DNAH8: variants seen among roughly 807,000 people sequenced by gnomAD.
DNAH8 encodes the protein dynein axonemal heavy chain 8, also known as axonemal beta dynein heavy chain 8.
DNAH8 carries 382 observed loss-of-function variants against 562.1 expected under a neutral mutation model. The observed-to-expected ratio is 0.68, with a 90% CI of 0.63 to 0.74. The LOEUF is 0.74. Ranked by LOEUF, DNAH8 falls within the 30% of genes least tolerant of loss-of-function variation. The pLI, the probability that DNAH8 is intolerant of heterozygous loss-of-function variation, is 0.00. For synonymous variants in DNAH8, 1,881 were observed against 1,919.4 expected (o/e 0.98, Z 0.52); for missense variants, 5,203 against 5,620.4 (o/e 0.93, Z 2.37).
In DNAH8 at chr6:38,935,749, A is replaced by T. The variant is rs1308469093; in HGVS notation, c.11563+52A>T. The T allele has an allele frequency of 2.3e-6, 3 of 1,330,872 alleles. No individual in the cohort carries two copies. The African/African-American group carries it at 4.4e-5, about 19-fold the overall frequency. The allele number at this position is 1,330,872 out of a possible 1,614,324, so 82.4% of individuals were successfully genotyped here. ...ATAACGGATTCTGAATAAGGATTTC[A>T]TTTACACTCTTTTCAATGCCCTCAT... is the stretch of plus-strand genomic sequence containing the variant. On this transcript the variant is annotated intron_variant, in intron 77 of 92. Coordinates refer to ENST00000327475, the MANE Select transcript of DNAH8 (RefSeq NM_001206927.2).
At chr6:38,976,033 G>T (rs1763649022) in intron 85 of DNAH8, among the ~76,000 whole-genome samples, 2 of 152,222 alleles carry the variant, frequency 1.3e-5, no homozygotes, top group African/African-American at 4.8e-5. Context: ...CATGTGTTTG[G>T]GTTAAAACGG....
chr6:39,008,628 G>A (rs112065919), intron 88 of DNAH8, among the ~76,000 whole-genome samples, 186 bp from the exon 89 acceptor site: 9 of 83,052 alleles, frequency 1.1e-4, no homozygotes, highest in South Asian at 9.4e-4. Flanking sequence ...TGTCCTATTA[G>A]GAGGCAGTAG....
At chr6:39,019,232 C>T (rs949965461) in intron 91 of DNAH8, among the ~76,000 whole-genome samples, 1 of 151,998 alleles carries the variant, frequency 6.6e-6, no homozygotes, top group Non-Finnish European at 1.5e-5. Flanking sequence ...GAGAAATGTG[C>T]TCCAGGCAGG....
At position 38,887,022 on chromosome 6, in the gene DNAH8, G is replaced by A. The variant is rs115168718; in HGVS notation, c.8473+18G>A. The A allele has an allele frequency of 4.4e-4, 676 of 1,535,086 alleles. No homozygotes were observed. In the African/African-American group the frequency reaches 8.2e-3, roughly 19 times the overall value. Reference sequence around the variant, plus strand: ...AATTTTTGGTATGAATATTCTTAGCGTTTATTTTATTGCATTACATAATGG... The same window carrying A: ...AATTTTTGGTATGAATATTCTTAGCATTTATTTTATTGCATTACATAATGG... On this transcript the variant is annotated intron_variant, in intron 57 of 92. Coordinates refer to ENST00000327475, the MANE Select transcript of DNAH8 (RefSeq NM_001206927.2).
Position 38,741,671 on chromosome 6 carries a change from ATG to A in DNAH8, c.1117-38_1117-37del, listed in dbSNP as rs774020549. ...TGCAATCAGATTTTAACAAAGAAGA[ATG>A]TAACATTTCTATATTTTATAAATTT... On this transcript the variant is annotated intron_variant, in intron 7 of 92. Coordinates refer to ENST00000327475, the MANE Select transcript of DNAH8 (RefSeq NM_001206927.2). 6 of 1,505,466 alleles carry A rather than the reference ATG, an allele frequency of 4.0e-6. No individual in the cohort carries two copies. The African/African-American group carries it at 8.6e-5, about 21-fold the overall frequency. The allele number at this position is 1,505,466 out of a possible 1,614,324, so 93.3% of individuals were successfully genotyped here.
At chr6:38,995,102 G>A (rs778448893) in intron 88 of DNAH8, among the ~76,000 whole-genome samples, 1 of 142,230 alleles carries the variant, frequency 7.0e-6, no homozygotes, top group Non-Finnish European at 1.5e-5. Context: ...TGTTGCATGT[G>A]TGTTTCTCTA....
intron 26 of DNAH8, 115 bp from the exon 27 acceptor site, chr6:38,822,723 T>G (rs1342443011): frequency 2.5e-6 from 2 of 797,132 alleles, no homozygotes; most frequent in Non-Finnish European, 3.7e-6. Flanking sequence ...CTTAGTTTCT[T>G]GGAGGGAGAA....
chr6:38,869,668 C>T lies in DNAH8; in HGVS notation c.6829-733C>T, dbSNP rs942310270. Among the ~76,000 whole-genome samples, 4 of 152,252 alleles carry T rather than the reference C, an allele frequency of 2.6e-5. No homozygotes were observed. In the East Asian group the frequency reaches 7.7e-4, roughly 29 times the overall value. On this transcript the variant is annotated intron_variant, in intron 48 of 92. Transcript: ENST00000327475. ...GCAGCCATTGTTGGATGAAGTCATG[C>T]AGGGTTATGGCTATTTCCCCAATTT...
At chr6:38,958,825 G>A (rs1244781545) in intron 82 of DNAH8, among the ~76,000 whole-genome samples, 7 of 151,904 alleles carry the variant, frequency 4.6e-5, no homozygotes, top group African/African-American at 1.7e-4. Flanking sequence ...CAAAACACAA[G>A]GACACAACAA....
In DNAH8 at chr6:38,857,674, T is replaced by G; in HGVS notation, c.5890T>G (p.Phe1964Val). Residue 1964 changes from phenylalanine to valine, a missense_variant, in exon 42 of 93, where the codon TTT (phenylalanine) becomes GTT (valine). Phe to Val is a conservative substitution (Grantham distance 50). Around this residue, in one of 6 missense-constraint regions of DNAH8, gnomAD observed 2,176 missense variants for 2,365.1 expected, o/e 0.92. Coordinates refer to ENST00000327475, the MANE Select transcript of DNAH8 (RefSeq NM_001206927.2). Reference protein sequence around the residue: ...ISQTTHDLSKFDRVKFETLIT... With the variant: ...ISQTTHDLSKVDRVKFETLIT... ...TCAGACAACACATGATCTAAGCAAG[T>G]TTGATAGAGTGAAGTTCGAGACTCT... The G allele has an allele frequency of 6.2e-7, 1 of 1,613,928 alleles. No individual in the cohort carries two copies. The highest frequency in any genetic ancestry group is 8.5e-7 in the Non-Finnish European group (1 of 1,179,888).
intron 37 of DNAH8, 34 bp from the exon 38 acceptor site, chr6:38,850,217 T>G: frequency 6.3e-7 from 1 of 1,598,676 alleles, no homozygotes; most frequent in Non-Finnish European, 8.5e-7. Flanking sequence ...ATTATCCAAA[T>G]GCTAATCTTT....
intron 87 of DNAH8, among the ~76,000 whole-genome samples, chr6:38,989,097 CACTGG>C (rs1764602430): frequency 6.6e-6 from 1 of 152,146 alleles, no homozygotes. Context: ...TCAGAGCAAT[CACTGG>C]ATCTAAAAAG....
At chr6:38,864,847 A>G (rs935054000) in intron 45 of DNAH8, among the ~76,000 whole-genome samples, 3 of 152,140 alleles carry the variant, frequency 2.0e-5, no homozygotes, top group African/African-American at 7.2e-5. Context: ...AGACTTAAAA[A>G]CTTCCTAGGT....
chr6:38,899,660 G>A, intron 61 of DNAH8, 116 bp from the exon 62 acceptor site: 3 of 1,150,702 alleles, frequency 2.6e-6, no homozygotes, highest in Middle Eastern at 2.4e-4. Flanking sequence ...CCATTAACGA[G>A]GAAAAAGTCT....
At chr6:38,817,678 G>A (rs920273130) in intron 26 of DNAH8, among the ~76,000 whole-genome samples, 1 of 152,180 alleles carries the variant, frequency 6.6e-6, no homozygotes, top group Non-Finnish European at 1.5e-5. Flanking sequence ...AGAGTGGTCT[G>A]AAGCAAAGAT....
chr6:39,028,665 TAC>T (rs1354530017), intron 92 of DNAH8, among the ~76,000 whole-genome samples: 18 of 152,238 alleles, frequency 1.2e-4, no homozygotes, highest in Non-Finnish European at 2.1e-4. Flanking sequence ...CTATTCTATC[TAC>T]CACACCTTCT....
intron 88 of DNAH8, among the ~76,000 whole-genome samples, chr6:39,000,176 C>T (rs1484639343): frequency 6.6e-6 from 1 of 152,168 alleles, no homozygotes; most frequent in East Asian, 1.9e-4. Flanking sequence ...GAGTAAGATG[C>T]AGTCCGTGCT....
rs1189697219 is a variant in DNAH8 at position 38,737,241 on chromosome 6, C to G, written c.937C>G (p.Leu313Val). ...HIFTETINRY[L>V]SFLDGARISI... ...TTTCACTGAAACCATCAACAGATAT[C>G]TTTCATTTTTAGATGGTAAGTATAA... The change falls in exon 6 of 93, where the codon CTT (leucine) becomes GTT (valine). Residue 313 changes from leucine to valine, a missense_variant. This residue lies in a region of DNAH8 where 556 missense variants were observed against 496.9 expected (regional missense o/e 1.12). Coordinates refer to ENST00000327475, the MANE Select transcript of DNAH8 (RefSeq NM_001206927.2). The G allele has an allele frequency of 6.9e-6, 10 of 1,443,462 alleles. No individual in the cohort carries two copies. In the East Asian group the frequency reaches 2.6e-4, roughly 37 times the overall value. The allele number at this position is 1,443,462 out of a possible 1,614,324, so 89.4% of individuals were successfully genotyped here. A position where few individuals can be genotyped will look rare whatever the true frequency, so the allele number is the denominator to read the frequency against.
chr6:38,852,611 G>A, intron 39 of DNAH8, 83 bp from the exon 40 acceptor site: 3 of 961,064 alleles, frequency 3.1e-6, no homozygotes, highest in Non-Finnish European at 4.7e-6. Context: ...CTTTTAAAAA[G>A]ATACAAAATA....
Sources: allele counts gnomAD v4.1 joint callset (sites outside exome capture counted in the v4.1 genomes callset), GRCh38; gene constraint gnomAD v4.1.1; regional missense constraint gnomAD v4.1.1; transcripts MANE v1.5; gene names NCBI Gene and HGNC (gene_info 2026-07-23, HGNC 2026-07-21).